The following OPCML variants were observed in gnomAD, a reference collection of about 807,000 sequenced individuals.
OPCML encodes opioid binding protein/cell adhesion molecule like, also known as opioid-binding protein/cell adhesion molecule.
In OPCML, 13 loss-of-function variants were observed where a neutral mutation model predicts 37.8. The observed-to-expected ratio is 0.34, with a 90% CI of 0.22 to 0.55. The LOEUF is 0.55. Ranked by LOEUF, OPCML falls within the 20% of genes least tolerant of loss-of-function variation. The pLI is 0.91. For missense variants in OPCML, 341 were observed against 435.6 expected, an observed-to-expected ratio of 0.78 and a Z score of 1.93; for synonymous variants, 176 against 168.8, an observed-to-expected ratio of 1.04 and a Z score of -0.33.
At chr11:133,381,692 G>A (rs61912395) in intron 1 of OPCML, among the ~76,000 whole-genome samples, 6,431 of 152,240 alleles carry the variant, frequency 0.042, 210 homozygotes, top group South Asian at 0.16. Context: ...CTCAGTGAGC[G>A]TAACGAGTCA....
chr11:133,184,037 G>T (rs757137207), intron 1 of OPCML, among the ~76,000 whole-genome samples: 1 of 152,178 alleles, frequency 6.6e-6, no homozygotes, highest in Admixed American at 6.5e-5. Flanking sequence ...CAGCAGAGAT[G>T]ATCTGAGCTT....
intron 1 of OPCML, among the ~76,000 whole-genome samples, chr11:132,960,517 G>A (rs563854500): frequency 6.6e-6 from 1 of 152,278 alleles, no homozygotes; most frequent in Admixed American, 6.5e-5. Flanking sequence ...AGCACAGGCT[G>A]CTTCAGTGGA....
At chr11:132,442,235 A>C (rs1052020012) in intron 4 of OPCML, among the ~76,000 whole-genome samples, 3 of 152,194 alleles carry the variant, frequency 2.0e-5, no homozygotes, top group African/African-American at 7.2e-5. Flanking sequence ...TCATTTCTAG[A>C]TGCCTCAAGT....
intron 2 of OPCML, among the ~76,000 whole-genome samples, chr11:132,665,728 C>T (rs1942190180): frequency 6.6e-6 from 1 of 152,168 alleles, no homozygotes; most frequent in Admixed American, 6.5e-5. Flanking sequence ...CTCCAAGTCA[C>T]TCTATAAATC....
At chr11:132,967,039 T>G (rs1299533607) in intron 1 of OPCML, among the ~76,000 whole-genome samples, 1 of 152,108 alleles carries the variant, frequency 6.6e-6, no homozygotes, top group Non-Finnish European at 1.5e-5. Context: ...ACTAGTGATG[T>G]ACTTAGATTT....
intron 2 of OPCML, among the ~76,000 whole-genome samples, chr11:132,791,382 C>T (rs932829297): frequency 6.6e-6 from 1 of 152,110 alleles, no homozygotes; most frequent in African/African-American, 2.4e-5. Flanking sequence ...GGTCAGGGTC[C>T]GACTGGCATG....
At chr11:132,696,794 G>C (rs1371728997) in intron 2 of OPCML, among the ~76,000 whole-genome samples, 1 of 151,972 alleles carries the variant, frequency 6.6e-6, no homozygotes, top group African/African-American at 2.4e-5. Flanking sequence ...GTCCAACGCT[G>C]ACCCATAAAA....
rs535422351 is a variant in OPCML at position 132,830,506 on chromosome 11, G to A, written c.146+112420C>T. Among the ~76,000 whole-genome samples the A allele has an allele frequency of 7.2e-5, 11 of 152,208 alleles. No homozygotes were observed. In the South Asian group the frequency reaches 8.3e-4, roughly 11 times the overall value. On this transcript the variant is annotated intron_variant, in intron 2 of 7. Transcript: ENST00000524381. ...CTGGGACATGCTACCCTGCAGTGTCGGTTCACCAGGATGCCTTCTGCAGTT... is the reference window on the plus strand; with the variant it reads ...CTGGGACATGCTACCCTGCAGTGTCAGTTCACCAGGATGCCTTCTGCAGTT...
At position 132,420,270 on chromosome 11, in the gene OPCML, C is replaced by T; in HGVS notation, c.940G>A (p.Val314Ile). ...GCCAGTGCTCTGGAGGCCGAGTTTA[C>T]ACCATCAATGACTGCTCCAGGCCCT... ...LYGPGAVIDG[V>I]NSASRALACL... The change falls in exon 8 of 8, where the codon GTA (valine) becomes ATA (isoleucine). Residue 314 changes from valine to isoleucine, a missense_variant. Coordinates refer to ENST00000524381, the MANE Select transcript of OPCML (RefSeq NM_001012393.5). 6.2e-7 allele frequency: 1 copy of T among 1,613,836 alleles called. No individual in the cohort carries two copies. Among genetic ancestry groups the T allele is most frequent in the East Asian group, 2.2e-5 (1 of 44,840 alleles).
intron 1 of OPCML, among the ~76,000 whole-genome samples, chr11:133,012,603 C>G (rs1042351929): frequency 6.6e-6 from 1 of 152,130 alleles, no homozygotes; most frequent in Non-Finnish European, 1.5e-5. Flanking sequence ...GGGCCGGACA[C>G]GGTGGCTCAC....
At chr11:133,526,621 C>T (rs569120500) in intron 1 of OPCML, among the ~76,000 whole-genome samples, 1 of 152,180 alleles carries the variant, frequency 6.6e-6, no homozygotes, top group Admixed American at 6.5e-5. Flanking sequence ...CATACAAATA[C>T]CACCATCTTG....
At chr11:133,080,492 T>TC (rs1301178461) in intron 1 of OPCML, among the ~76,000 whole-genome samples, 1 of 151,156 alleles carries the variant, frequency 6.6e-6, no homozygotes, top group Non-Finnish European at 1.5e-5. Context: ...TTTTTTTTTT[T>TC]TTCCTAAAAT....
intron 2 of OPCML, among the ~76,000 whole-genome samples, chr11:132,880,776 T>G (rs1475343778): frequency 6.6e-6 from 1 of 152,234 alleles, no homozygotes; most frequent in African/African-American, 2.4e-5. Context: ...TAAAATGACG[T>G]TGCATACCAA....
chr11:133,287,516 G>T (rs1452969735), intron 1 of OPCML, among the ~76,000 whole-genome samples: 1 of 137,500 alleles, frequency 7.3e-6, no homozygotes, highest in East Asian at 2.2e-4. Flanking sequence ...TATTGACTCT[G>T]ATTTCTTTCA....
intron 3 of OPCML, among the ~76,000 whole-genome samples, chr11:132,534,967 G>A (rs1166783728): frequency 6.6e-6 from 1 of 150,534 alleles, no homozygotes. Flanking sequence ...TTTAAGTTGG[G>A]ACTTATAAAT....
intron 1 of OPCML, among the ~76,000 whole-genome samples, chr11:133,391,470 A>G (rs1276044539): frequency 6.6e-6 from 1 of 152,132 alleles, no homozygotes; most frequent in Non-Finnish European, 1.5e-5. Flanking sequence ...TTAGGAAGCA[A>G]AAAGCCTTTA....
chr11:133,267,111 T>C (rs1434348751), intron 1 of OPCML, among the ~76,000 whole-genome samples: 2 of 152,180 alleles, frequency 1.3e-5, no homozygotes, highest in Non-Finnish European at 2.9e-5. Flanking sequence ...AAGGACTTTG[T>C]AGGCGGTGGA....
chr11:132,996,674 C>T (rs935915621), intron 1 of OPCML, among the ~76,000 whole-genome samples: 23 of 149,864 alleles, frequency 1.5e-4, no homozygotes, highest in African/African-American at 5.1e-4. Context: ...TTTTTTTCCC[C>T]GGAGCCACAA....
intron 1 of OPCML, among the ~76,000 whole-genome samples, chr11:133,248,598 A>G (rs1050579405): frequency 6.6e-6 from 1 of 152,228 alleles, no homozygotes; most frequent in Non-Finnish European, 1.5e-5. Flanking sequence ...AGAGGCTATG[A>G]TGGCGTGGCT....
Sources: allele counts gnomAD v4.1 joint callset (sites outside exome capture counted in the v4.1 genomes callset), GRCh38; gene constraint gnomAD v4.1.1; transcripts MANE v1.5; gene names NCBI Gene and HGNC (gene_info 2026-07-23, HGNC 2026-07-21).